Variants in TERF2 observed in about 807,000 individuals in gnomAD.
The protein encoded by TERF2 is telomeric repeat binding factor 2.
In TERF2, 16 loss-of-function variants were observed where a neutral mutation model predicts 56.1. The observed-to-expected ratio is 0.29, with a 90% CI of 0.19 to 0.43. TERF2 has a LOEUF of 0.43. Ranked by LOEUF, TERF2 falls within the 20% of genes least tolerant of loss-of-function variation. The pLI, the probability that TERF2 is intolerant of heterozygous loss-of-function variation, is 1.00. For missense variants in TERF2, 547 were observed against 712.9 expected (o/e 0.77, Z 2.65); for synonymous variants, 296 against 282.1 (o/e 1.05, Z -0.50).
chr16:69,361,565 C>G (rs573398291), intron 7 of TERF2, 76 bp from the exon 8 acceptor site: 1 of 1,050,286 alleles, frequency 9.5e-7, no homozygotes, highest in South Asian at 1.3e-5. Flanking sequence ...TCTTGGCTCA[C>G]TCTTGGCCCT....
intron 5 of TERF2, chr16:69,370,252 A>G (rs1466499453): frequency 3.9e-6 from 2 of 508,776 alleles, no homozygotes; most frequent in African/African-American, 3.9e-5. Context: ...GCAGGTCTCG[A>G]ACTCCTGACC....
At chr16:69,361,692 A>G (rs562740389) in intron 7 of TERF2, among the ~76,000 whole-genome samples, 3 of 152,188 alleles carry the variant, frequency 2.0e-5, no homozygotes, top group Non-Finnish European at 4.4e-5. Flanking sequence ...CTCAGGCTGC[A>G]GGACACCCTT....
chr16:69,385,678 C>T lies in TERF2; in HGVS notation c.294G>A (p.Val98=), dbSNP rs374233413. The change falls in exon 1 of 10, where the codon GTG becomes GTA. Residue 98 remains valine, a synonymous_variant. Coordinates refer to ENST00000254942, the MANE Select transcript of TERF2 (RefSeq NM_005652.5). ...ARLEEAVNRW[V]LKFYFHEALR... ...GCGCCTCGTGGAAGTAGAACTTGAG[C>T]ACCCAGCGATTGACTGCCTCTTCCA... is the stretch of plus-strand genomic sequence containing the variant. The T allele has an allele frequency of 5.8e-5, 94 of 1,610,736 alleles. No individual in the cohort carries two copies. Among genetic ancestry groups the T allele is most frequent in the Non-Finnish European group, 7.6e-5 (90 of 1,179,272 alleles).
Position 69,372,972 on chromosome 16 carries a change from G to A in TERF2, c.607-617C>T, listed in dbSNP as rs115805991. 3.1e-3 allele frequency among the ~76,000 whole-genome samples: 479 copies of A among 152,154 alleles called. 3 individuals carry two copies. The highest frequency in any genetic ancestry group is 0.01 in the African/African-American group (421 of 41,492). On this transcript the variant is annotated intron_variant, in intron 3 of 9. Transcript: ENST00000254942. ...ACAGAATGGACAGGAGTCATTCTAC[G>A]TCCTGTAATTTCAGGTCCCCAGAAC...
intron 3 of TERF2, among the ~76,000 whole-genome samples, chr16:69,377,302 C>G (rs1244935993): frequency 6.6e-6 from 1 of 151,942 alleles, no homozygotes; most frequent in Non-Finnish European, 1.5e-5. Context: ...TTATGTCTTC[C>G]AATCCATGAA....
chr16:69,375,436 C>T (rs1242840717), intron 3 of TERF2, among the ~76,000 whole-genome samples: 22 of 152,158 alleles, frequency 1.4e-4, no homozygotes, highest in Admixed American at 7.2e-4. Flanking sequence ...TGGTGGCTCA[C>T]GCCTGTAATC....
chr16:69,355,769 C>T lies in TERF2; in HGVS notation c.*1129G>A, dbSNP rs2012874998. The T allele has an allele frequency of 6.3e-6, 1 of 159,074 alleles. No individual in the cohort carries two copies. The highest frequency in any genetic ancestry group is 1.4e-5 in the Non-Finnish European group (1 of 71,910). 9.9% of individuals were successfully genotyped at this position (159,074 alleles called of 1,614,324 possible). A position where few individuals can be genotyped will look rare whatever the true frequency, so the allele number is the denominator to read the frequency against. On this transcript the variant is annotated 3_prime_UTR_variant, in exon 10 of 10. Transcript: ENST00000254942. ...TGAATTCCAGTGCAAGACACGAACA[C>T]AGCACAATTAGGGAATCAGGAGGAA... is the stretch of plus-strand genomic sequence containing the variant.
chr16:69,373,154 A>G (rs1406693262), intron 3 of TERF2, among the ~76,000 whole-genome samples: 1 of 152,198 alleles, frequency 6.6e-6, no homozygotes, highest in Non-Finnish European at 1.5e-5. Flanking sequence ...AGGAGAATGA[A>G]GGGACAACCC....
chr16:69,370,268 T>C (rs2013516202), intron 5 of TERF2: 6 of 552,608 alleles, frequency 1.1e-5, no homozygotes, highest in Non-Finnish European at 1.5e-5. Context: ...TGACCTCAGG[T>C]GATCCACCCC....
intron 3 of TERF2, among the ~76,000 whole-genome samples, chr16:69,378,793 G>T (rs2013887846): frequency 6.6e-6 from 1 of 152,142 alleles, no homozygotes; most frequent in Admixed American, 6.5e-5. Context: ...AAGAGAGTAT[G>T]TTTACTCTAT....
At chr16:69,364,127 C>T (rs759827351) in intron 7 of TERF2, among the ~76,000 whole-genome samples, 46 of 152,174 alleles carry the variant, frequency 3.0e-4, no homozygotes, top group Non-Finnish European at 4.9e-4. Context: ...ACAAAGAATC[C>T]TTATTTTACT....
intron 3 of TERF2, among the ~76,000 whole-genome samples, chr16:69,380,440 C>T (rs1405827176): frequency 2.0e-5 from 3 of 151,694 alleles, no homozygotes; most frequent in Admixed American, 2.0e-4. Context: ...GCGGGTGGAT[C>T]ATGAGGTCAG....
chr16:69,361,596 G>A, intron 7 of TERF2, 107 bp from the exon 8 acceptor site: 1 of 810,132 alleles, frequency 1.2e-6, no homozygotes. Flanking sequence ...CTGTCCCGTT[G>A]TGACCACAAT....
chr16:69,366,999 G>C lies in TERF2; in HGVS notation c.1148C>G (p.Pro383Arg), dbSNP rs758021786. ...PRKDENESSAPADGEGGSELQ... is the reference protein window; with the variant it reads ...PRKDENESSARADGEGGSELQ... ...TTCCGAGCCACCCTCACCGTCAGCC[G>C]GGGCTGAACTTTCGTTTTCATCTTT... is the stretch of plus-strand genomic sequence containing the variant. The change falls in exon 7 of 10, where the codon CCG becomes CGG. Residue 383 changes from proline (P) to arginine (R), a missense_variant. Physicochemically the swap from Pro to Arg is moderately radical, Grantham distance 103. Around this residue, in one of 6 missense-constraint regions of TERF2, gnomAD observed 211 missense variants for 236.8 expected, o/e 0.89. Transcript: ENST00000254942. 9 of 1,614,210 alleles carry C rather than the reference G, an allele frequency of 5.6e-6. No individual in the cohort carries two copies. Among genetic ancestry groups the C allele is most frequent in the Non-Finnish European group, 7.6e-6 (9 of 1,180,042 alleles).
chr16:69,368,271 A>G, intron 6 of TERF2, 105 bp downstream of exon 6: 1 of 1,003,666 alleles, frequency 1.0e-6, no homozygotes, highest in African/African-American at 1.6e-5. Flanking sequence ...GTAACACGTT[A>G]GTAGGTCGGA....
At chr16:69,378,457 A>C (rs940824371) in intron 3 of TERF2, among the ~76,000 whole-genome samples, 2 of 152,328 alleles carry the variant, frequency 1.3e-5, no homozygotes, top group East Asian at 3.9e-4. Flanking sequence ...GGCAAGAAAG[A>C]AGCGAAAAAA....
At chr16:69,380,047 G>A (rs1355456139) in intron 3 of TERF2, among the ~76,000 whole-genome samples, 1 of 151,978 alleles carries the variant, frequency 6.6e-6, no homozygotes, top group Non-Finnish European at 1.5e-5. Context: ...CCGAGTAGCT[G>A]GGATTACAGG....
At position 69,368,433 on chromosome 16, in the gene TERF2, T is replaced by C. The variant is rs2013433658; in HGVS notation, c.890A>G (p.Lys297Arg). Residue 297 changes from lysine (K) to arginine (R), a missense_variant, in exon 6 of 10, where the codon AAG becomes AGG. This residue lies in a region of TERF2 where 211 missense variants were observed against 236.8 expected (regional missense o/e 0.89). Coordinates refer to ENST00000254942, the MANE Select transcript of TERF2 (RefSeq NM_005652.5). The part of the protein sequence containing the change: ...KSESAASSTG[K>R]EDKQPAPGPV... Reference sequence around the variant, plus strand: ...CCCTGGTGCTGGCTGTTTATCTTCCTTCCCTGTACTTGAGGCAGCGGACTC... The same window carrying C: ...CCCTGGTGCTGGCTGTTTATCTTCCCTCCCTGTACTTGAGGCAGCGGACTC... 1.2e-6 allele frequency: 2 copies of C among 1,614,214 alleles called. No homozygotes were observed. Among genetic ancestry groups the C allele is most frequent in the Non-Finnish European group, 1.7e-6 (2 of 1,180,028 alleles).
At chr16:69,384,237 G>T (rs1042626123) in intron 3 of TERF2, among the ~76,000 whole-genome samples, 2 of 152,144 alleles carry the variant, frequency 1.3e-5, no homozygotes, top group African/African-American at 4.8e-5. Context: ...TATCTCCTTG[G>T]TTTATTATAA....
Sources: gnomAD v4.1 joint callset for allele counts (sites outside exome capture counted in the v4.1 genomes callset) on GRCh38, gnomAD v4.1.1 for gene constraint, gnomAD v4.1.1 regional missense constraint, MANE v1.5 for transcripts, NCBI Gene and HGNC (gene_info 2026-07-23, HGNC 2026-07-21) for gene names.